LSAMP: variants seen among roughly 807,000 people sequenced by gnomAD.
LSAMP encodes limbic system-associated membrane protein.
LSAMP carries 7 observed loss-of-function variants against 38.6 expected under a neutral mutation model. The observed-to-expected ratio is 0.18, with a 90% CI of 0.10 to 0.34. LSAMP has a LOEUF of 0.34. Among genes scored for constraint, LSAMP ranks in the 10% least tolerant of loss-of-function variants. The pLI, the probability that LSAMP is intolerant of heterozygous loss-of-function variation, is 1.00. For synonymous variants in LSAMP, 154 were observed against 166.8 expected, an observed-to-expected ratio of 0.92 and a Z score of 0.59; for missense variants, 313 against 420.0, an observed-to-expected ratio of 0.75 and a Z score of 2.23.
chr3:116,172,493 A>AT (rs1439159433), intron 1 of LSAMP, among the ~76,000 whole-genome samples: 1 of 152,052 alleles, frequency 6.6e-6, no homozygotes, highest in Non-Finnish European at 1.5e-5. Context: ...CCAACAACTA[A>AT]TATTTTTTGC....
intron 4 of LSAMP, 29 bp downstream of exon 4, chr3:115,852,454 T>C: frequency 6.3e-7 from 1 of 1,590,022 alleles, no homozygotes; most frequent in Non-Finnish European, 8.6e-7. Context: ...CCTGGGCACC[T>C]AGCACCTGCT....
intron 6 of LSAMP, among the ~76,000 whole-genome samples, chr3:115,834,961 G>A (rs959588140): frequency 6.6e-6 from 1 of 151,986 alleles, no homozygotes; most frequent in Non-Finnish European, 1.5e-5. Context: ...ATACATCTTG[G>A]TCTTGGTTCT....
In LSAMP at chr3:116,250,166, G is replaced by A. The variant is rs116254557; in HGVS notation, c.156-163610C>T. On this transcript the variant is annotated intron_variant, in intron 1 of 6. Coordinates refer to ENST00000490035, the MANE Select transcript of LSAMP (RefSeq NM_002338.5). ...CAATGAAGTAAATAGCAGAGTGCTTGACAACAAAACTCATGCTATATTTCT... is the reference window on the plus strand; with the variant it reads ...CAATGAAGTAAATAGCAGAGTGCTTAACAACAAAACTCATGCTATATTTCT... 5.1e-3 allele frequency among the ~76,000 whole-genome samples: 781 copies of A among 152,216 alleles called. 12 individuals are homozygous for A. Among genetic ancestry groups the A allele is most frequent in the African/African-American group, 0.018 (751 of 41,540 alleles).
intron 6 of LSAMP, among the ~76,000 whole-genome samples, chr3:115,833,111 G>A (rs988308516): frequency 6.6e-6 from 1 of 152,202 alleles, no homozygotes; most frequent in East Asian, 1.9e-4. Context: ...CTATCCAATG[G>A]TACAAATGCG....
intron 1 of LSAMP, among the ~76,000 whole-genome samples, chr3:116,441,828 A>G (rs754021630): frequency 5.3e-5 from 8 of 152,138 alleles, no homozygotes; most frequent in Non-Finnish European, 1.2e-4. Flanking sequence ...TGGTTGTTCT[A>G]TTTAGGGAGG....
At chr3:116,405,732 G>A (rs918510616) in intron 1 of LSAMP, among the ~76,000 whole-genome samples, 1 of 152,032 alleles carries the variant, frequency 6.6e-6, no homozygotes, top group African/African-American at 2.4e-5. Context: ...AGGTGCAATT[G>A]ATTAATTATT....
intron 3 of LSAMP, among the ~76,000 whole-genome samples, chr3:115,853,994 A>C (rs1366358287): frequency 1.3e-5 from 2 of 152,128 alleles, no homozygotes; most frequent in Admixed American, 1.3e-4. Flanking sequence ...TGTCAGCTAA[A>C]CCTGTTAACT....
At chr3:116,303,740 A>C (rs2047445583) in intron 1 of LSAMP, among the ~76,000 whole-genome samples, 1 of 152,210 alleles carries the variant, frequency 6.6e-6, no homozygotes, top group African/African-American at 2.4e-5. Flanking sequence ...AATAATCAGT[A>C]CGTGCGGATT....
intron 6 of LSAMP, among the ~76,000 whole-genome samples, chr3:115,818,822 A>ATATATATATATATATATG (rs55828725): frequency 8.0e-6 from 1 of 125,234 alleles, no homozygotes; most frequent in South Asian, 2.8e-4. Context: ...ATATATATAT[A>ATATATATATATATATATG]ACTGCAGCAA....
At chr3:116,240,239 G>A (rs1359872974) in intron 1 of LSAMP, among the ~76,000 whole-genome samples, 1 of 152,126 alleles carries the variant, frequency 6.6e-6, no homozygotes, top group Non-Finnish European at 1.5e-5. Flanking sequence ...TATCATGCAT[G>A]CTATTTATGA....
Position 116,076,151 on chromosome 3 carries a change from A to C in LSAMP, c.388+10173T>G, listed in dbSNP as rs549910691. ...CATATGTGACATGACCATATGTGGT[A>C]GACTTTTGAGCCTTTCATTTAGATC... is the stretch of plus-strand genomic sequence containing the variant. On this transcript the variant is annotated intron_variant, in intron 2 of 6. Coordinates refer to ENST00000490035, the MANE Select transcript of LSAMP (RefSeq NM_002338.5). Among the ~76,000 whole-genome samples, 6 of 152,326 alleles carry C rather than the reference A, an allele frequency of 3.9e-5. No individual in the cohort carries two copies. In the South Asian group the frequency reaches 8.3e-4, roughly 21 times the overall value.
At chr3:116,217,953 G>C (rs888583660) in intron 1 of LSAMP, among the ~76,000 whole-genome samples, 8 of 152,110 alleles carry the variant, frequency 5.3e-5, no homozygotes, top group Admixed American at 2.0e-4. Flanking sequence ...CTGTGGTTCA[G>C]GTGAAAAGAA....
rs963581720 is a variant in LSAMP, at chr3:116,170,396, A to G, written c.156-83840T>C. 5.3e-5 allele frequency among the ~76,000 whole-genome samples: 8 copies of G among 152,198 alleles called. No individual in the cohort carries two copies. In the South Asian group the frequency reaches 6.2e-4, roughly 12 times the overall value. Reference sequence around the variant, plus strand: ...CTCTGTGAAAATTTAACAACTGAAAACATCCAGATTTTATAATTACCTTTC... The same window carrying G: ...CTCTGTGAAAATTTAACAACTGAAAGCATCCAGATTTTATAATTACCTTTC... On this transcript the variant is annotated intron_variant, in intron 1 of 6. Coordinates refer to ENST00000490035, the MANE Select transcript of LSAMP (RefSeq NM_002338.5).
intron 2 of LSAMP, among the ~76,000 whole-genome samples, chr3:116,063,974 T>G (rs1941639123): frequency 6.6e-6 from 1 of 152,212 alleles, no homozygotes; most frequent in African/African-American, 2.4e-5. Flanking sequence ...TTGTCCAAAT[T>G]CTGAATAAAC....
At chr3:116,346,223 C>T (rs1269313408) in intron 1 of LSAMP, among the ~76,000 whole-genome samples, 1 of 152,024 alleles carries the variant, frequency 6.6e-6, no homozygotes, top group Non-Finnish European at 1.5e-5. Flanking sequence ...TTATATGTTT[C>T]TGCTAATAAG....
intron 2 of LSAMP, among the ~76,000 whole-genome samples, chr3:116,044,386 AT>A (rs1415547115): frequency 1.3e-5 from 2 of 152,172 alleles, no homozygotes; most frequent in African/African-American, 4.8e-5. Flanking sequence ...AGAAAAAAGC[AT>A]TAGTAACACT....
intron 1 of LSAMP, among the ~76,000 whole-genome samples, chr3:116,274,431 A>G (rs1446900860): frequency 2.0e-5 from 3 of 152,068 alleles, no homozygotes; most frequent in Non-Finnish European, 4.4e-5. Context: ...AACGAATACC[A>G]CTGTATTATT....
chr3:116,202,987 T>C (rs1387321156), intron 1 of LSAMP, among the ~76,000 whole-genome samples: 1 of 152,230 alleles, frequency 6.6e-6, no homozygotes, highest in African/African-American at 2.4e-5. Context: ...TGTGTATTGA[T>C]TTTGTGTCCA....
chr3:116,333,263 G>A (rs1394795392), intron 1 of LSAMP, among the ~76,000 whole-genome samples: 3 of 152,120 alleles, frequency 2.0e-5, no homozygotes, highest in South Asian at 2.1e-4. Flanking sequence ...AAAATAGGCC[G>A]GGTGTGGTGG....
Sources: allele counts gnomAD v4.1 joint callset (sites outside exome capture counted in the v4.1 genomes callset), GRCh38; gene constraint gnomAD v4.1.1; transcripts MANE v1.5; gene names NCBI Gene and HGNC (gene_info 2026-07-23, HGNC 2026-07-21).